KCTD3: variants seen among roughly 807,000 people sequenced by gnomAD.
KCTD3 encodes potassium channel tetramerization domain containing 3.
A neutral mutation model predicts 85.8 loss-of-function variants in KCTD3; 41 were observed. The observed-to-expected ratio is 0.48, with a 90% confidence interval of 0.37 to 0.62. KCTD3 has a LOEUF of 0.62. Ranked by LOEUF, KCTD3 falls within the 20% of genes least tolerant of loss-of-function variation. The probability of loss-of-function intolerance (pLI) is 0.00; values close to 1 mark genes in which losing one functional copy is unlikely to be tolerated. For missense variants in KCTD3, 724 were observed against 989.9 expected (o/e 0.73, Z 3.60); for synonymous variants, 338 against 345.4 (o/e 0.98, Z 0.24).
rs943433392 is a variant in KCTD3 at position 215,578,987 on chromosome 1, C to T, written c.398-13C>T. ...AACTTAGGAATGTATTTGTTTTCTT[C>T]TTCTCTTTATAGGTATTCCTAGTCG... On this transcript the variant is annotated splice_polypyrimidine_tract_variant and intron_variant, in intron 6 of 17. Transcript: ENST00000259154. 1.3e-6 allele frequency: 2 copies of T among 1,506,830 alleles called. No homozygotes were observed. Among genetic ancestry groups the T allele is most frequent in the African/African-American group, 2.9e-5 (2 of 68,342 alleles). The allele number at this position is 1,506,830 out of a possible 1,614,324, so 93.3% of individuals were successfully genotyped here. A position where few individuals can be genotyped will look rare whatever the true frequency, so the allele number is the denominator to read the frequency against.
intron 8 of KCTD3, chr1:215,580,960 T>G (rs1250108463): frequency 2.1e-6 from 1 of 467,980 alleles, no homozygotes; most frequent in African/African-American, 2.0e-5. Context: ...GTGCAGACTT[T>G]TATGTTTTAA....
chr1:215,604,298 A>G lies in KCTD3; in HGVS notation c.1305A>G (p.Val435=). 1.2e-6 allele frequency: 2 copies of G among 1,612,192 alleles called. No homozygotes were observed. The highest frequency in any genetic ancestry group is 1.1e-5 in the South Asian group (1 of 91,002). Residue 435 remains valine, a synonymous_variant, in exon 13 of 18, where the codon GTA becomes GTG. Coordinates refer to ENST00000259154, the MANE Select transcript of KCTD3 (RefSeq NM_016121.5). The part of the protein sequence containing the change: ...TKIMLSEKHL[V]SVCADNNHVR... ...TCATGCTATCAGAGAAGCATCTTGT[A>G]TCAGGTAAAATGATTTCATTATACT...
rs1459793549 is a variant in KCTD3, at chr1:215,621,646, C to A, written c.*1028C>A. ...AAATAGGGTAATTGTAAATTTAAAGCATTAGCATTTATTGGTGAATAATGT... is the reference window on the plus strand; with the variant it reads ...AAATAGGGTAATTGTAAATTTAAAGAATTAGCATTTATTGGTGAATAATGT... On this transcript the variant is annotated 3_prime_UTR_variant, in exon 18 of 18. Transcript: ENST00000259154. 2 of 152,364 alleles carry A rather than the reference C, an allele frequency of 1.3e-5. No individual in the cohort carries two copies. The highest frequency in any genetic ancestry group is 1.3e-4 in the Admixed American group (2 of 15,238). The allele number at this position is 152,364 out of a possible 1,614,324, so 9.4% of individuals were successfully genotyped here. A position where few individuals can be genotyped will look rare whatever the true frequency, so the allele number is the denominator to read the frequency against.
chr1:215,609,715 G>C (rs1198552125), intron 14 of KCTD3, among the ~76,000 whole-genome samples: 1 of 151,878 alleles, frequency 6.6e-6, no homozygotes, highest in South Asian at 2.1e-4. Flanking sequence ...GGATTCTTGA[G>C]AAATGGAGTA....
chr1:215,605,157 A>C (rs1230129201), intron 13 of KCTD3, among the ~76,000 whole-genome samples: 1 of 152,158 alleles, frequency 6.6e-6, no homozygotes, highest in Non-Finnish European at 1.5e-5. Context: ...CCCAACTTAA[A>C]ATTTTTACAA....
At position 215,604,222 on chromosome 1, in the gene KCTD3, G is replaced by T. The variant is rs141142430; in HGVS notation, c.1229G>T (p.Gly410Val). 2 of 1,613,800 alleles carry T rather than the reference G, an allele frequency of 1.2e-6. No individual in the cohort carries two copies. The highest frequency in any genetic ancestry group is 1.7e-6 in the Non-Finnish European group (2 of 1,179,892). ...IVQHPETVGS[G>V]PQLFQTFTVH... ...CAACACCCAGAGACAGTTGGGTCAG[G>T]TCCTCAGCTTTTTCAGACTTTCACA... is the stretch of plus-strand genomic sequence containing the variant. The change falls in exon 13 of 18, where the codon GGT becomes GTT. Residue 410 changes from glycine to valine, a missense_variant. Gly to Val is a moderately radical substitution (Grantham distance 109). This residue lies in a region of KCTD3 where 146 missense variants were observed against 320.3 expected (regional missense o/e 0.46). Coordinates refer to ENST00000259154, the MANE Select transcript of KCTD3 (RefSeq NM_016121.5).
chr1:215,575,046 G>T (rs556000390), intron 3 of KCTD3, among the ~76,000 whole-genome samples: 4 of 152,244 alleles, frequency 2.6e-5, no homozygotes, highest in African/African-American at 9.6e-5. Flanking sequence ...GAGGTCAGAA[G>T]TTCAAGACCA....
intron 1 of KCTD3, 52 bp downstream of exon 1, chr1:215,567,820 C>G (rs1474829773): frequency 8.7e-7 from 1 of 1,146,014 alleles, no homozygotes; most frequent in Non-Finnish European, 1.1e-6. Flanking sequence ...CGGCCTCCTC[C>G]TTTGGTGTCG....
intron 9 of KCTD3, among the ~76,000 whole-genome samples, chr1:215,592,075 A>G (rs1356376859): frequency 6.6e-6 from 1 of 152,182 alleles, no homozygotes; most frequent in Admixed American, 6.5e-5. Context: ...GAGACAATCC[A>G]TTCCCTATCA....
intron 14 of KCTD3, among the ~76,000 whole-genome samples, chr1:215,609,872 GATAT>G (rs1655164149): frequency 6.6e-6 from 1 of 151,934 alleles, no homozygotes; most frequent in Admixed American, 6.6e-5. Context: ...GTGGTATGAA[GATAT>G]ACCTGGTTTC....
At chr1:215,568,334 T>C (rs1659225701) in intron 1 of KCTD3, among the ~76,000 whole-genome samples, 1 of 152,156 alleles carries the variant, frequency 6.6e-6, no homozygotes, top group Non-Finnish European at 1.5e-5. Context: ...GTGCATGGGC[T>C]TGAAGGATCT....
chr1:215,616,942 T>C (rs958929786), intron 15 of KCTD3, among the ~76,000 whole-genome samples: 29 of 152,168 alleles, frequency 1.9e-4, no homozygotes, highest in African/African-American at 7.0e-4. Context: ...GAGTAGAAGG[T>C]TGGCACTTTC....
rs780586384 is a variant in KCTD3, at chr1:215,579,219, A to AT, written c.535+87dup. On this transcript the variant is annotated intron_variant, in intron 7 of 17. Transcript: ENST00000259154. Reference sequence around the variant, plus strand: ...TGATATTGAGTAATTACTTTTAAAGATTTTTGCCTCATCTCCTTTTTTATC... The same window carrying AT: ...TGATATTGAGTAATTACTTTTAAAGATTTTTTGCCTCATCTCCTTTTTTATC... The AT allele has an allele frequency of 9.9e-6, 12 of 1,210,266 alleles. No homozygotes were observed. The East Asian group carries it at 2.4e-4, about 24-fold the overall frequency. The allele number at this position is 1,210,266 out of a possible 1,614,324, so 75.0% of individuals were successfully genotyped here.
chr1:215,575,722 A>G (rs1315250454), intron 3 of KCTD3, among the ~76,000 whole-genome samples, 179 bp from the exon 4 acceptor site: 2 of 152,192 alleles, frequency 1.3e-5, no homozygotes, highest in African/African-American at 2.4e-5. Context: ...AGAAAAAGAC[A>G]CCATCTCATG....
intron 15 of KCTD3, 98 bp from the exon 16 acceptor site, chr1:215,618,788 A>C (rs1655553406): frequency 1.1e-6 from 1 of 903,162 alleles, no homozygotes; most frequent in Non-Finnish European, 1.7e-6. Context: ...TTCTAGTATA[A>C]CATGTTTGCT....
At chr1:215,579,786 C>G (rs1659743501) in intron 7 of KCTD3, 123 bp from the exon 8 acceptor site, 4 of 656,636 alleles carry the variant, frequency 6.1e-6, no homozygotes, top group Non-Finnish European at 1.1e-5. Flanking sequence ...GTGTGAGCCA[C>G]TGTGCCCGGC....
intron 8 of KCTD3, among the ~76,000 whole-genome samples, chr1:215,584,391 ATAAT>A (rs1480405201): frequency 6.6e-6 from 1 of 152,242 alleles, no homozygotes; most frequent in Non-Finnish European, 1.5e-5. Flanking sequence ...TGCAGCAAGA[ATAAT>A]TAGTTCCTAT....
intron 1 of KCTD3, among the ~76,000 whole-genome samples, chr1:215,571,552 TTTCC>T (rs755856016): frequency 2.6e-5 from 4 of 152,258 alleles, no homozygotes; most frequent in Non-Finnish European, 5.9e-5. Flanking sequence ...TTTTACTGTC[TTTCC>T]TTCAGTTAGC....
chr1:215,610,905 TAAA>T (rs1428802650), intron 14 of KCTD3, among the ~76,000 whole-genome samples: 4 of 152,012 alleles, frequency 2.6e-5, no homozygotes, highest in African/African-American at 9.7e-5. Flanking sequence ...TAGCTAATAA[TAAA>T]GATGACATTG....
Sources: gnomAD v4.1 joint callset for allele counts (sites outside exome capture counted in the v4.1 genomes callset) on GRCh38, gnomAD v4.1.1 for gene constraint, gnomAD v4.1.1 regional missense constraint, MANE v1.5 for transcripts, NCBI Gene and HGNC (gene_info 2026-07-23, HGNC 2026-07-21) for gene names.